The following PLPP3 variants were observed in gnomAD, a reference collection of about 807,000 sequenced individuals.
PLPP3 encodes the protein phospholipid phosphatase 3, also known as PAP2 beta.
PLPP3 carries 6 observed loss-of-function variants against 29.6 expected under a neutral mutation model. That is an observed-to-expected ratio of 0.20 (90% CI 0.11 to 0.40). The LOEUF is 0.40. Among genes scored for constraint, PLPP3 ranks in the 10% least tolerant of loss-of-function variants. The pLI is 1.00. For synonymous variants in PLPP3, 152 were observed against 159.7 expected, an observed-to-expected ratio of 0.95 and a Z score of 0.36; for missense variants, 308 against 407.7, an observed-to-expected ratio of 0.76 and a Z score of 2.11.
At chr1:56,534,507 C>A (rs994997494) in intron 2 of PLPP3, among the ~76,000 whole-genome samples, 23 of 152,250 alleles carry the variant, frequency 1.5e-4, no homozygotes, top group African/African-American at 5.3e-4. Context: ...ACCTGACATT[C>A]AGCAGGAGAA....
intron 1 of PLPP3, among the ~76,000 whole-genome samples, chr1:56,560,222 T>C (rs1569598749): frequency 6.6e-6 from 1 of 152,208 alleles, no homozygotes; most frequent in East Asian, 1.9e-4. Context: ...ACCTGGTGCA[T>C]TAAAGGTGCT....
chr1:56,520,281 T>G (rs150281959), intron 4 of PLPP3, among the ~76,000 whole-genome samples: 231 of 152,280 alleles, frequency 1.5e-3, no homozygotes, highest in Admixed American at 4.2e-3. Flanking sequence ...ACAGCCAGAT[T>G]TGATTCCACA....
chr1:56,547,529 C>G (rs1420900241), intron 1 of PLPP3, among the ~76,000 whole-genome samples: 3 of 152,172 alleles, frequency 2.0e-5, no homozygotes, highest in African/African-American at 7.2e-5. Flanking sequence ...TCCTAACCAG[C>G]TTCAAGTCTC....
At chr1:56,555,532 G>C (rs1646071196) in intron 1 of PLPP3, among the ~76,000 whole-genome samples, 1 of 146,856 alleles carries the variant, frequency 6.8e-6, no homozygotes, top group Admixed American at 6.8e-5. Context: ...TCGATGATAA[G>C]TATCCAACAC....
chr1:56,555,433 T>TAAAAAAAAAAAAAAAAAAAAAAAAAA (rs66593221), intron 1 of PLPP3, among the ~76,000 whole-genome samples: 47 of 33,212 alleles, frequency 1.4e-3, no homozygotes, highest in Middle Eastern at 0.031. Flanking sequence ...GGCCAAACAC[T>TAAAAAAAAAAAAAAAAAAAAAAAAAA]AAAAAAAAAA....
At chr1:56,569,239 C>G (rs1396323869) in intron 1 of PLPP3, among the ~76,000 whole-genome samples, 1 of 152,098 alleles carries the variant, frequency 6.6e-6, no homozygotes, top group Non-Finnish European at 1.5e-5. Flanking sequence ...CAATGGCTCT[C>G]TCAGCTCACT....
rs376605298 is a variant in PLPP3, at chr1:56,568,905, G to A, written c.139+9973C>T. On this transcript the variant is annotated intron_variant, in intron 1 of 5. Transcript: ENST00000371250. Reference sequence around the variant, plus strand: ...CTCCCCAAGTGCTGGGATTACAGGCGTGAGCCACCGCGCCCGGCCCTGTCA... The same window carrying A: ...CTCCCCAAGTGCTGGGATTACAGGCATGAGCCACCGCGCCCGGCCCTGTCA... Among the ~76,000 whole-genome samples, 26 of 152,102 alleles carry A rather than the reference G, an allele frequency of 1.7e-4. 1 individual carries two copies. Among genetic ancestry groups the A allele is most frequent in the African/African-American group, 4.6e-4 (19 of 41,508 alleles).
intron 5 of PLPP3, 85 bp from the exon 6 acceptor site, chr1:56,496,761 G>T: frequency 6.7e-7 from 1 of 1,485,822 alleles, no homozygotes; most frequent in Non-Finnish European, 9.1e-7. Context: ...GAGGAGCGCA[G>T]ACTTCAGGAA....
At chr1:56,538,863 A>G (rs1645947941) in intron 1 of PLPP3, 1 of 154,024 alleles carries the variant, frequency 6.5e-6, no homozygotes, top group Non-Finnish European at 1.4e-5. Context: ...ACTTTGTGAG[A>G]ACCAAGGGGA....
chr1:56,523,389 C>G (rs1645831942), intron 4 of PLPP3, among the ~76,000 whole-genome samples: 2 of 152,208 alleles, frequency 1.3e-5, no homozygotes, highest in East Asian at 1.9e-4. Flanking sequence ...CAATCTTTTC[C>G]CACCATAGAT....
At chr1:56,551,418 G>T (rs896878516) in intron 1 of PLPP3, among the ~76,000 whole-genome samples, 2 of 151,942 alleles carry the variant, frequency 1.3e-5, no homozygotes, top group African/African-American at 2.4e-5. Context: ...GAATTCTCAG[G>T]ACCTTCATTT....
chr1:56,508,149 T>C (rs1275157262), intron 5 of PLPP3, among the ~76,000 whole-genome samples: 1 of 152,220 alleles, frequency 6.6e-6, no homozygotes, highest in Non-Finnish European at 1.5e-5. Context: ...GAAGGTTTCA[T>C]CAGAGATGAG....
rs190218335 is a variant in PLPP3, at chr1:56,510,560, C to T, written c.810+1416G>A. Among the ~76,000 whole-genome samples, 5 of 152,288 alleles carry T rather than the reference C, an allele frequency of 3.3e-5. No homozygotes were observed. In the East Asian group the frequency reaches 9.7e-4, roughly 29 times the overall value. On this transcript the variant is annotated intron_variant, in intron 5 of 5. Coordinates refer to ENST00000371250, the MANE Select transcript of PLPP3 (RefSeq NM_003713.5). ...CAGGTGCTTCCCTGCCTGCTGAAGCCCCCTACACATGTCACTATGACAGCC... is the reference window on the plus strand; with the variant it reads ...CAGGTGCTTCCCTGCCTGCTGAAGCTCCCTACACATGTCACTATGACAGCC...
chr1:56,552,222 T>TAAA (rs60245862), intron 1 of PLPP3, among the ~76,000 whole-genome samples: 2 of 106,486 alleles, frequency 1.9e-5, no homozygotes, highest in Non-Finnish European at 3.9e-5. Flanking sequence ...GAGGCACTTA[T>TAAA]AAAAAAAAAA....
chr1:56,537,136 T>C (rs1184192077), intron 1 of PLPP3, 24 bp from the exon 2 acceptor site: 1 of 1,593,884 alleles, frequency 6.3e-7, no homozygotes, highest in South Asian at 1.1e-5. Flanking sequence ...AACCATGGCA[T>C]ATACCAGAAA....
chr1:56,548,812 A>G (rs893331666), intron 1 of PLPP3, among the ~76,000 whole-genome samples: 2 of 152,140 alleles, frequency 1.3e-5, no homozygotes, highest in Non-Finnish European at 2.9e-5. Context: ...CTAATCCAGT[A>G]AATGAATTTG....
Position 56,578,897 on chromosome 1 carries a change from G to A in PLPP3, c.120C>T (p.Asp40=), listed in dbSNP as rs1646257152. Residue 40 remains aspartate, a synonymous_variant, in exon 1 of 6, where the codon GAC becomes GAT. Transcript: ENST00000371250. ...GSKRVLLICL[D]LFCLFMAGLP... is the part of the protein sequence containing the mutation. ...GCTCACCCATGAAGAGGCAGAAGAG[G>A]TCGAGGCAGATGAGCAGCACCCGCT... is the stretch of plus-strand genomic sequence containing the variant. 3 of 1,595,762 alleles carry A rather than the reference G, an allele frequency of 1.9e-6. No individual in the cohort carries two copies. The highest frequency in any genetic ancestry group is 1.4e-5 in the African/African-American group (1 of 72,998).
At chr1:56,518,970 T>C (rs569448221) in intron 4 of PLPP3, among the ~76,000 whole-genome samples, 16 of 151,654 alleles carry the variant, frequency 1.1e-4, no homozygotes, top group African/African-American at 3.6e-4. Context: ...GGGTTGTCAT[T>C]CTAAACAGGG....
At chr1:56,528,802 T>C (rs973888719) in intron 2 of PLPP3, among the ~76,000 whole-genome samples, 5 of 150,076 alleles carry the variant, frequency 3.3e-5, no homozygotes, top group Admixed American at 6.7e-5. Context: ...AGAAAATGTA[T>C]GTATGGATGA....
Sources: gnomAD v4.1 joint callset for allele counts (sites outside exome capture counted in the v4.1 genomes callset) on GRCh38, gnomAD v4.1.1 for gene constraint, MANE v1.5 for transcripts, NCBI Gene and HGNC (gene_info 2026-07-23, HGNC 2026-07-21) for gene names.